Variants in ADAMTSL1 observed in about 807,000 individuals in gnomAD.
The protein encoded by ADAMTSL1 is ADAMTS like 1, also known as ADAMTS-like protein 1.
A neutral mutation model predicts 201.8 loss-of-function variants in ADAMTSL1; 126 were observed. That is an observed-to-expected ratio of 0.62 (90% CI 0.54 to 0.72). The LOEUF (loss-of-function observed/expected upper bound fraction) is 0.72. ADAMTSL1 is among the 30% of genes least tolerant of loss of function. The pLI is 0.00. For missense variants in ADAMTSL1, 2,679 were observed against 2,277.8 expected, an observed-to-expected ratio of 1.18 and a Z score of -3.59; for synonymous variants, 1,121 against 903.4, an observed-to-expected ratio of 1.24 and a Z score of -4.32.
chr9:18,262,973 G>C (rs552474310), intron 2 of ADAMTSL1, among the ~76,000 whole-genome samples: 1 of 152,312 alleles, frequency 6.6e-6, no homozygotes, highest in East Asian at 1.9e-4. Context: ...TCTGTGCCAA[G>C]ATAATTAAAC....
At chr9:18,310,612 C>G (rs188989625) in intron 2 of ADAMTSL1, among the ~76,000 whole-genome samples, 1 of 152,072 alleles carries the variant, frequency 6.6e-6, no homozygotes, top group East Asian at 1.9e-4. Context: ...AAATGGTCAT[C>G]GTCACTGGTC....
intron 2 of ADAMTSL1, among the ~76,000 whole-genome samples, chr9:18,252,072 C>T (rs1342268928): frequency 6.6e-6 from 1 of 151,478 alleles, no homozygotes; most frequent in Non-Finnish European, 1.5e-5. Context: ...AAAAAATGAA[C>T]CATGTAACTT....
intron 5 of ADAMTSL1, among the ~76,000 whole-genome samples, chr9:18,632,496 T>TA (rs1162870376): frequency 6.6e-6 from 1 of 152,120 alleles, no homozygotes; most frequent in Admixed American, 6.6e-5. Flanking sequence ...GCAGTGCTCC[T>TA]AAAAAAATGA....
chr9:18,566,140 G>A (rs577985576), intron 3 of ADAMTSL1, among the ~76,000 whole-genome samples: 5 of 152,060 alleles, frequency 3.3e-5, no homozygotes, highest in Admixed American at 1.3e-4. Context: ...ATTTATTCTC[G>A]TAAATTTTTT....
chr9:18,903,856 A>C (rs966187191), intron 26 of ADAMTSL1, among the ~76,000 whole-genome samples: 22 of 152,214 alleles, frequency 1.4e-4, no homozygotes, highest in African/African-American at 5.1e-4. Flanking sequence ...TGGTTGAAAA[A>C]AAAAAAAAAT....
chr9:18,787,704 A>G (rs1588110898), intron 19 of ADAMTSL1, among the ~76,000 whole-genome samples: 1 of 152,128 alleles, frequency 6.6e-6, no homozygotes, highest in African/African-American at 2.4e-5. Flanking sequence ...ACTATACTCA[A>G]CTCTGTCATT....
intron 2 of ADAMTSL1, among the ~76,000 whole-genome samples, chr9:18,172,270 G>C (rs757309267): frequency 6.6e-6 from 1 of 151,826 alleles, no homozygotes; most frequent in Non-Finnish European, 1.5e-5. Flanking sequence ...AGAACTTAAA[G>C]TATATATAAA....
At chr9:17,983,549 A>G (rs942489409) in intron 1 of ADAMTSL1, among the ~76,000 whole-genome samples, 6 of 152,166 alleles carry the variant, frequency 3.9e-5, no homozygotes, top group Non-Finnish European at 7.4e-5. Context: ...CTATGTGGTT[A>G]GTTTTCTAAA....
intron 1 of ADAMTSL1, among the ~76,000 whole-genome samples, chr9:17,938,894 C>T (rs1827118094): frequency 6.6e-6 from 1 of 152,118 alleles, no homozygotes; most frequent in East Asian, 1.9e-4. Context: ...TCATCTTAAG[C>T]TGGACATAGA....
In ADAMTSL1 at chr9:18,149,259, C is replaced by G. The variant is rs572057604; in HGVS notation, c.88-14603C>G. Among the ~76,000 whole-genome samples, 5 of 151,904 alleles carry G rather than the reference C, an allele frequency of 3.3e-5. No homozygotes were observed. In the East Asian group the frequency reaches 9.7e-4, roughly 29 times the overall value. On this transcript the variant is annotated intron_variant, in intron 1 of 29. Transcript: ENST00000680146. Reference sequence around the variant, plus strand: ...ACCTATAGAGTTATAGGTGGGCACGCAAGTCAGATGGAACTGAAAATGTAA... The same window carrying G: ...ACCTATAGAGTTATAGGTGGGCACGGAAGTCAGATGGAACTGAAAATGTAA...
intron 1 of ADAMTSL1, among the ~76,000 whole-genome samples, chr9:18,118,245 T>C (rs1564009920): frequency 1.3e-5 from 2 of 152,208 alleles, no homozygotes; most frequent in Non-Finnish European, 2.9e-5. Flanking sequence ...TCAGTGATTC[T>C]TGCTAATGAT....
intron 23 of ADAMTSL1, 78 bp from the exon 24 acceptor site, chr9:18,887,753 C>CAAAG: frequency 7.6e-7 from 1 of 1,322,794 alleles, no homozygotes; most frequent in South Asian, 1.3e-5. Flanking sequence ...TCTAGAGCCA[C>CAAAG]ACAGACAGTA....
intron 4 of ADAMTSL1, among the ~76,000 whole-genome samples, chr9:18,593,738 T>A (rs1824074352): frequency 6.6e-6 from 1 of 152,112 alleles, no homozygotes; most frequent in Non-Finnish European, 1.5e-5. Context: ...TTGTTATTAA[T>A]TTCTAGTTTT....
At chr9:18,257,773 A>G (rs554543791) in intron 2 of ADAMTSL1, among the ~76,000 whole-genome samples, 24 of 152,334 alleles carry the variant, frequency 1.6e-4, no homozygotes, top group African/African-American at 5.8e-4. Context: ...TGAGTAGATA[A>G]ATGAGGCCTA....
At chr9:18,854,589 T>A (rs931434661) in intron 23 of ADAMTSL1, among the ~76,000 whole-genome samples, 1 of 152,122 alleles carries the variant, frequency 6.6e-6, no homozygotes, top group Non-Finnish European at 1.5e-5. Context: ...CAAGAATAGA[T>A]GAATAGAATG....
At chr9:18,399,508 A>G (rs1471905502) in intron 2 of ADAMTSL1, among the ~76,000 whole-genome samples, 1 of 97,218 alleles carries the variant, frequency 1.0e-5, no homozygotes, top group Non-Finnish European at 2.1e-5. Context: ...TTTCTGGCTG[A>G]TTTTTATATT....
At chr9:18,337,441 A>G (rs1351387434) in intron 2 of ADAMTSL1, among the ~76,000 whole-genome samples, 1 of 152,116 alleles carries the variant, frequency 6.6e-6, no homozygotes, top group Non-Finnish European at 1.5e-5. Context: ...ACTCCCTTTC[A>G]TATATACATC....
intron 2 of ADAMTSL1, among the ~76,000 whole-genome samples, chr9:18,452,481 CT>C (rs890645915): frequency 1.3e-5 from 2 of 152,170 alleles, no homozygotes; most frequent in Non-Finnish European, 2.9e-5. Flanking sequence ...AAAGTCTTAA[CT>C]TACTCCAGAA....
intron 1 of ADAMTSL1, among the ~76,000 whole-genome samples, chr9:18,058,272 AG>A (rs1463127191): frequency 1.3e-5 from 2 of 152,202 alleles, no homozygotes; most frequent in African/African-American, 4.8e-5. Flanking sequence ...CCTCATCCCT[AG>A]AGAGTGTTCT....
Sources: gnomAD v4.1 joint callset for allele counts (sites outside exome capture counted in the v4.1 genomes callset) on GRCh38, gnomAD v4.1.1 for gene constraint, MANE v1.5 for transcripts, NCBI Gene and HGNC (gene_info 2026-07-23, HGNC 2026-07-21) for gene names.